Variants in MTNR1B observed in about 807,000 individuals in gnomAD.
MTNR1B encodes the protein melatonin receptor 1B, also known as melatonin receptor type 1B.
A neutral mutation model predicts 7.0 loss-of-function variants in MTNR1B; 7 were observed. The observed-to-expected ratio is 1.00, with a 90% CI of 0.57 to 1.88. MTNR1B has a LOEUF of 1.88. MTNR1B is among the 40% of genes most tolerant of loss of function. MTNR1B has a pLI of 0.00. For missense variants in MTNR1B, 478 were observed against 486.5 expected, an observed-to-expected ratio of 0.98 and a Z score of 0.16; for synonymous variants, 226 against 208.2, an observed-to-expected ratio of 1.09 and a Z score of -0.74.
chr11:92,982,942 C>CG (rs1858141847), downstream of MTNR1B, among the ~76,000 whole-genome samples: 1 of 92,022 alleles, frequency 1.1e-5, no homozygotes, highest in Admixed American at 1.1e-4. Context: ...CTGCACCCCC[C>CG]CCCCCCACAC....
At chr11:92,980,585 T>C (rs1478429515) in intron 1 of MTNR1B, among the ~76,000 whole-genome samples, 1 of 152,192 alleles carries the variant, frequency 6.6e-6, no homozygotes, top group Non-Finnish European at 1.5e-5. Context: ...GGTGTATCAT[T>C]TCCTGAGGCT....
chr11:92,970,928 G>C (rs1254457152), intron 1 of MTNR1B, among the ~76,000 whole-genome samples: 1 of 152,082 alleles, frequency 6.6e-6, no homozygotes, highest in African/African-American at 2.4e-5. Flanking sequence ...TTAGCAAATA[G>C]TAATATGTAT....
chr11:92,975,722 T>C (rs377372708), intron 1 of MTNR1B, among the ~76,000 whole-genome samples: 1 of 152,360 alleles, frequency 6.6e-6, no homozygotes, highest in African/African-American at 2.4e-5. Context: ...AGCATGGTTC[T>C]GAACAAAGGC....
intron 1 of MTNR1B, among the ~76,000 whole-genome samples, chr11:92,974,075 TG>T (rs1857973990): frequency 6.6e-6 from 1 of 152,232 alleles, no homozygotes; most frequent in Admixed American, 6.5e-5. Context: ...TGAGTAAAGT[TG>T]CTCAGCAGTT....
At position 92,969,912 on chromosome 11, in the gene MTNR1B, C is replaced by T. The variant is rs754614271; in HGVS notation, c.187C>T (p.Leu63Phe). ...VDVVGNLLVI[L>F]SVLRNRKLRN... ...CGTCGTGGGCAACCTCCTGGTGATC[C>T]TCTCCGTGCTCAGGAACCGCAAGCT... is the stretch of plus-strand genomic sequence containing the variant. The change falls in exon 1 of 2, where the codon CTC becomes TTC. Residue 63 changes from leucine to phenylalanine, a missense_variant. Physicochemically the swap from Leu to Phe is conservative, Grantham distance 22. Transcript: ENST00000257068. 1.9e-6 allele frequency: 3 copies of T among 1,612,060 alleles called. No homozygotes were observed. In the Admixed American group the frequency reaches 5.0e-5, roughly 27 times the overall value.
At chr11:92,984,687 C>T (rs761674081), downstream of MTNR1B, 7 of 338,614 alleles carry the variant, frequency 2.1e-5, no homozygotes, top group Non-Finnish European at 4.1e-5. Context: ...ATGCATGGCA[C>T]GTGCTCAGTA....
At position 92,969,723 on chromosome 11, in the gene MTNR1B, G is replaced by T. The variant is rs1484917567; in HGVS notation, c.-3G>T. 2.7e-6 allele frequency: 4 copies of T among 1,477,524 alleles called. No individual in the cohort carries two copies. The South Asian group carries it at 5.4e-5, about 20-fold the overall frequency. 91.5% of individuals were successfully genotyped at this position (1,477,524 alleles called of 1,614,324 possible). A position where few individuals can be genotyped will look rare whatever the true frequency, so the allele number is the denominator to read the frequency against. Reference sequence around the variant, plus strand: ...GCCAAAGCACAGCGCGGGAGAGTCTGCGATGTCAGAGAACGGCTCCTTCGC... The same window carrying T: ...GCCAAAGCACAGCGCGGGAGAGTCTTCGATGTCAGAGAACGGCTCCTTCGC... On this transcript the variant is annotated 5_prime_UTR_variant, in exon 1 of 2. Coordinates refer to ENST00000257068, the MANE Select transcript of MTNR1B (RefSeq NM_005959.5).
chr11:92,982,097 A>G lies in MTNR1B; in HGVS notation c.874A>G (p.Thr292Ala). The G allele has an allele frequency of 6.2e-7, 1 of 1,614,204 alleles. No homozygotes were observed. The highest frequency in any genetic ancestry group is 1.1e-5 in the South Asian group (1 of 91,084). Residue 292 changes from threonine (T) to alanine (A), a missense_variant, in exon 2 of 2, where the codon ACT becomes GCT. Thr to Ala is a moderately conservative substitution (Grantham distance 58). Transcript: ENST00000257068. ...APQIPEGLFV[T>A]SYLLAYFNSC... ...CCAGATCCCTGAGGGGCTATTTGTCACTAGCTACTTACTGGCTTATTTCAA... is the reference window on the plus strand; with the variant it reads ...CCAGATCCCTGAGGGGCTATTTGTCGCTAGCTACTTACTGGCTTATTTCAA...
intron 1 of MTNR1B, among the ~76,000 whole-genome samples, chr11:92,971,043 T>G (rs1334518537): frequency 2.6e-5 from 4 of 152,002 alleles, no homozygotes; most frequent in Admixed American, 2.6e-4. Context: ...CACTGCAACC[T>G]CTGCCTCCCA....
chr11:92,981,464 A>C lies in MTNR1B; in HGVS notation c.241A>C (p.Ser81Arg). 1 of 1,612,436 alleles carries C rather than the reference A, an allele frequency of 6.2e-7. No individual in the cohort carries two copies. Among genetic ancestry groups the C allele is most frequent in the Non-Finnish European group, 8.5e-7 (1 of 1,178,898 alleles). The change falls in exon 2 of 2, where the codon AGT (serine) becomes CGT (arginine). Residue 81 changes from serine to arginine, a missense_variant. By Grantham distance (110) the Ser-to-Arg change is moderately radical. Coordinates refer to ENST00000257068, the MANE Select transcript of MTNR1B (RefSeq NM_005959.5). ...LRNAGNLFLV[S>R]LALADLVVAF... is the part of the protein sequence containing the mutation. Reference sequence around the variant, plus strand: ...TGCTTCAGGTAATTTGTTCTTGGTGAGTCTGGCATTGGCTGACCTGGTGGT... The same window carrying C: ...TGCTTCAGGTAATTTGTTCTTGGTGCGTCTGGCATTGGCTGACCTGGTGGT...
chr11:92,974,640 C>T (rs191142560), intron 1 of MTNR1B, among the ~76,000 whole-genome samples: 1,703 of 151,140 alleles, frequency 0.011, 13 homozygotes, highest in Non-Finnish European at 0.019. Context: ...GTCTTGCTGT[C>T]GCCCAGGCTG....
downstream of MTNR1B, among the ~76,000 whole-genome samples, chr11:92,983,874 C>T (rs1478683805): frequency 6.6e-6 from 1 of 152,074 alleles, no homozygotes; most frequent in South Asian, 2.1e-4. Context: ...CATTTAATCC[C>T]CACAAAACTC....
Position 92,969,903 on chromosome 11 carries a change from C to T in MTNR1B, c.178C>T (p.Leu60=), listed in dbSNP as rs767570148. The part of the protein sequence containing the change: ...TTAVDVVGNL[L]VILSVLRNRK... ...CGCCGTGGACGTCGTGGGCAACCTCCTGGTGATCCTCTCCGTGCTCAGGAA... is the reference window on the plus strand; with the variant it reads ...CGCCGTGGACGTCGTGGGCAACCTCTTGGTGATCCTCTCCGTGCTCAGGAA... Residue 60 remains leucine, a synonymous_variant, in exon 1 of 2, where the codon CTG becomes TTG. Transcript: ENST00000257068. 5.0e-6 allele frequency: 8 copies of T among 1,612,276 alleles called. No individual in the cohort carries two copies. Among genetic ancestry groups the T allele is most frequent in the Non-Finnish European group, 6.8e-6 (8 of 1,179,682 alleles).
At chr11:92,972,445 G>A in intron 1 of MTNR1B, 1 of 455,998 alleles carries the variant, frequency 2.2e-6, no homozygotes, top group South Asian at 1.5e-5. Context: ...TAGATTAATT[G>A]TCTTTTTTTT....
At chr11:92,976,902 T>C (rs1280962470) in intron 1 of MTNR1B, among the ~76,000 whole-genome samples, 3 of 152,242 alleles carry the variant, frequency 2.0e-5, no homozygotes, top group Non-Finnish European at 2.9e-5. Flanking sequence ...AATCATGCTG[T>C]CAACCTTAAG....
chr11:92,981,695 C>G lies in MTNR1B; in HGVS notation c.472C>G (p.Pro158Ala), dbSNP rs1225900327. Residue 158 changes from proline to alanine, a missense_variant, in exon 2 of 2, where the codon CCT becomes GCT. Pro to Ala is a conservative substitution (Grantham distance 27). Transcript: ENST00000257068. ...CCGAATCTACCGGCGCTGGCACACC[C>G]CTCTGCACATCTGCCTCATCTGGCT... is the stretch of plus-strand genomic sequence containing the variant. ...YHRIYRRWHT[P>A]LHICLIWLLT... 6.8e-6 allele frequency: 11 copies of G among 1,614,246 alleles called. No individual in the cohort carries two copies. The highest frequency in any genetic ancestry group is 9.3e-6 in the Non-Finnish European group (11 of 1,180,054).
intron 1 of MTNR1B, 29 bp downstream of exon 1, chr11:92,969,977 G>A (rs1243112118): frequency 6.3e-7 from 1 of 1,575,286 alleles, no homozygotes; most frequent in East Asian, 2.3e-5. Context: ...GCTGGGTGCT[G>A]GCATCGGGCC....
downstream of MTNR1B, chr11:92,984,927 A>G (rs1240608772): frequency 4.4e-6 from 2 of 456,130 alleles, no homozygotes; most frequent in Non-Finnish European, 8.8e-6. Context: ...TTGTAAATAA[A>G]AATGCTTTTG....
intron 1 of MTNR1B, among the ~76,000 whole-genome samples, chr11:92,975,060 C>A (rs768754465): frequency 4.0e-4 from 61 of 152,314 alleles, no homozygotes; most frequent in Admixed American, 6.5e-4. Context: ...TTATCAGCAG[C>A]GTGAAAACAG....
Sources: gnomAD v4.1 joint callset for allele counts (sites outside exome capture counted in the v4.1 genomes callset) on GRCh38, gnomAD v4.1.1 for gene constraint, MANE v1.5 for transcripts, NCBI Gene and HGNC (gene_info 2026-07-23, HGNC 2026-07-21) for gene names.